Variants in SGCZ observed in about 807,000 individuals in gnomAD.
SGCZ encodes the protein zeta-sarcoglycan.
In SGCZ, 40 loss-of-function variants were observed where a neutral mutation model predicts 41.3. The ratio of observed to expected loss-of-function variants is 0.97; its 90% CI spans 0.75 to 1.26. The LOEUF is 1.26. Among genes scored for constraint, SGCZ ranks in the 50% most tolerant of loss-of-function variants. The pLI is 0.00. For synonymous variants in SGCZ, 206 were observed against 137.5 expected (o/e 1.50, Z -3.49); for missense variants, 552 against 369.8 (o/e 1.49, Z -4.04).
chr8:14,157,032 GTAT>G (rs1803896125), intron 5 of SGCZ, among the ~76,000 whole-genome samples: 1 of 152,072 alleles, frequency 6.6e-6, no homozygotes, highest in African/African-American at 2.4e-5. Flanking sequence ...CTGTGATCAA[GTAT>G]TATGTACTGT....
At chr8:14,963,469 G>A (rs1458978684) in intron 1 of SGCZ, among the ~76,000 whole-genome samples, 1 of 152,038 alleles carries the variant, frequency 6.6e-6, no homozygotes, top group East Asian at 1.9e-4. Flanking sequence ...CTCCTGAGTA[G>A]CGGGAATTAC....
chr8:14,379,768 G>A (rs1453155233), intron 2 of SGCZ, among the ~76,000 whole-genome samples: 3 of 151,972 alleles, frequency 2.0e-5, no homozygotes, highest in Non-Finnish European at 4.4e-5. Context: ...GTCTTACTCT[G>A]CTGCCCAGGC....
intron 1 of SGCZ, among the ~76,000 whole-genome samples, chr8:14,643,607 A>C (rs1251850732): frequency 6.6e-6 from 1 of 151,664 alleles, no homozygotes; most frequent in Non-Finnish European, 1.5e-5. Context: ...CTCCACCTCC[A>C]ACCTATTCCC....
At chr8:14,760,617 G>A (rs1208081084) in intron 1 of SGCZ, among the ~76,000 whole-genome samples, 2 of 152,114 alleles carry the variant, frequency 1.3e-5, no homozygotes, top group Non-Finnish European at 2.9e-5. Flanking sequence ...AGTTTAAAGT[G>A]AATCATTAAA....
intron 1 of SGCZ, among the ~76,000 whole-genome samples, chr8:15,147,372 G>A (rs972934591): frequency 9.2e-5 from 14 of 152,078 alleles, no homozygotes; most frequent in East Asian, 3.9e-4. Context: ...TCCGCCTCCC[G>A]GGTTCAAACA....
chr8:14,377,308 A>G (rs1357473272), intron 2 of SGCZ, among the ~76,000 whole-genome samples: 1 of 151,968 alleles, frequency 6.6e-6, no homozygotes, highest in Non-Finnish European at 1.5e-5. Context: ...GAGGTTTGGG[A>G]GGGTGGTGTG....
At chr8:14,834,718 A>G (rs1221195940) in intron 1 of SGCZ, among the ~76,000 whole-genome samples, 1 of 152,162 alleles carries the variant, frequency 6.6e-6, no homozygotes, top group African/African-American at 2.4e-5. Flanking sequence ...AATTTTGAAG[A>G]AGTCAGAAAC....
At chr8:14,871,924 G>A (rs1163482905) in intron 1 of SGCZ, among the ~76,000 whole-genome samples, 1 of 150,762 alleles carries the variant, frequency 6.6e-6, no homozygotes, top group African/African-American at 2.4e-5. Context: ...ATATGTGTGT[G>A]TATATATATG....
intron 4 of SGCZ, among the ~76,000 whole-genome samples, chr8:14,229,682 A>G (rs1280351735): frequency 2.0e-5 from 3 of 152,018 alleles, no homozygotes. Flanking sequence ...TAAAAAAAAC[A>G]TAAATTTGGA....
intron 3 of SGCZ, among the ~76,000 whole-genome samples, chr8:14,255,687 G>A (rs1214985556): frequency 6.6e-6 from 1 of 152,018 alleles, no homozygotes; most frequent in Non-Finnish European, 1.5e-5. Context: ...GTCTTTGGAT[G>A]AATATAACTT....
chr8:15,218,418 G>A (rs953365319), intron 1 of SGCZ, among the ~76,000 whole-genome samples: 1 of 152,188 alleles, frequency 6.6e-6, no homozygotes, highest in Non-Finnish European at 1.5e-5. Context: ...ATATTTTTAG[G>A]TGTAGGCTGA....
At chr8:15,175,195 G>A (rs1263126184) in intron 1 of SGCZ, among the ~76,000 whole-genome samples, 1 of 152,032 alleles carries the variant, frequency 6.6e-6, no homozygotes, top group Admixed American at 6.6e-5. Flanking sequence ...AAACACAAAG[G>A]AATGTAAATC....
chr8:14,194,559 T>A (rs1046640127), intron 4 of SGCZ, among the ~76,000 whole-genome samples: 2 of 151,904 alleles, frequency 1.3e-5, no homozygotes, highest in African/African-American at 4.8e-5. Flanking sequence ...AATAATAAAA[T>A]AGTAAACCAG....
chr8:14,529,466 T>C (rs1016427066), intron 2 of SGCZ, among the ~76,000 whole-genome samples: 3 of 152,144 alleles, frequency 2.0e-5, no homozygotes, highest in African/African-American at 7.2e-5. Flanking sequence ...CCATGAAGCT[T>C]TCTTTGCAAC....
At chr8:14,851,155 G>C (rs781190991) in intron 1 of SGCZ, among the ~76,000 whole-genome samples, 1 of 152,034 alleles carries the variant, frequency 6.6e-6, no homozygotes, top group African/African-American at 2.4e-5. Context: ...GGATCACGAG[G>C]TCAGGAGATC....
intron 4 of SGCZ, among the ~76,000 whole-genome samples, chr8:14,179,878 A>C (rs1192061297): frequency 6.6e-6 from 1 of 152,158 alleles, no homozygotes; most frequent in Non-Finnish European, 1.5e-5. Flanking sequence ...ATAAATAAAA[A>C]GTGAAAAAAA....
chr8:14,550,097 A>G (rs1803755335), intron 2 of SGCZ, among the ~76,000 whole-genome samples: 1 of 152,050 alleles, frequency 6.6e-6, no homozygotes, highest in African/African-American at 2.4e-5. Context: ...GACATACAAG[A>G]AAATTCGTAA....
intron 1 of SGCZ, among the ~76,000 whole-genome samples, chr8:14,582,804 C>T (rs1804935517): frequency 6.6e-6 from 1 of 151,264 alleles, no homozygotes; most frequent in Non-Finnish European, 1.5e-5. Context: ...TGATGATTTC[C>T]AGTTTCATCC....
At chr8:14,460,173 A>C (rs1800861472) in intron 2 of SGCZ, among the ~76,000 whole-genome samples, 3 of 152,210 alleles carry the variant, frequency 2.0e-5, no homozygotes, top group Admixed American at 2.0e-4. Context: ...TAACTTTGCA[A>C]CTTTTCTGTA....
Sources: allele counts gnomAD v4.1 joint callset (sites outside exome capture counted in the v4.1 genomes callset), GRCh38; gene constraint gnomAD v4.1.1; transcripts MANE v1.5; gene names NCBI Gene and HGNC (gene_info 2026-07-23, HGNC 2026-07-21).